CRISPLD2: variants seen among roughly 807,000 people sequenced by gnomAD.
CRISPLD2 encodes the protein cysteine-rich secretory protein LCCL domain-containing 2.
CRISPLD2 carries 47 observed loss-of-function variants against 71.1 expected under a neutral mutation model. The ratio of observed to expected loss-of-function variants is 0.66; its 90% CI spans 0.52 to 0.84. The LOEUF (loss-of-function observed/expected upper bound fraction) is 0.84, where lower values mean the gene tolerates loss of function less well. Ranked by LOEUF, CRISPLD2 falls within the 40% of genes least tolerant of loss-of-function variation. The pLI, the probability that CRISPLD2 is intolerant of heterozygous loss-of-function variation, is 0.00. For synonymous variants in CRISPLD2, 317 were observed against 250.1 expected (o/e 1.27, Z -2.52); for missense variants, 830 against 651.1 (o/e 1.27, Z -2.99).
At chr16:84,876,265 G>A (rs772285842) in intron 11 of CRISPLD2, among the ~76,000 whole-genome samples, 8 of 152,216 alleles carry the variant, frequency 5.3e-5, no homozygotes, top group East Asian at 1.9e-4. Flanking sequence ...ACTTTGAGAC[G>A]TCCAGGCAGA....
At chr16:84,839,052 G>A in intron 2 of CRISPLD2, 1 of 443,964 alleles carries the variant, frequency 2.3e-6, no homozygotes, top group Non-Finnish European at 4.3e-6. Flanking sequence ...TGCCCAGCTA[G>A]ATTTTAAATA....
chr16:84,842,516 G>GTTT (rs1916802369), intron 2 of CRISPLD2, among the ~76,000 whole-genome samples: 1 of 151,698 alleles, frequency 6.6e-6, no homozygotes, highest in African/African-American at 2.4e-5. Flanking sequence ...TGGAACGACA[G>GTTT]GTGCGCACCA....
intron 14 of CRISPLD2, among the ~76,000 whole-genome samples, chr16:84,905,135 A>T (rs926766937): frequency 3.3e-5 from 5 of 151,980 alleles, no homozygotes; most frequent in African/African-American, 9.7e-5. Flanking sequence ...AAAATATATC[A>T]ATCAGGCTTG....
At chr16:84,899,626 C>T (rs545309827) in intron 14 of CRISPLD2, among the ~76,000 whole-genome samples, 1 of 152,266 alleles carries the variant, frequency 6.6e-6, no homozygotes, top group South Asian at 2.1e-4. Flanking sequence ...GGTGTCAGCA[C>T]ATTCTTTGAT....
chr16:84,899,098 C>T (rs974517452), intron 14 of CRISPLD2, among the ~76,000 whole-genome samples: 2 of 152,208 alleles, frequency 1.3e-5, no homozygotes, highest in African/African-American at 2.4e-5. Flanking sequence ...ACTGTGTCAC[C>T]CAGGCTGATC....
chr16:84,864,533 C>T (rs1433537118), intron 6 of CRISPLD2, among the ~76,000 whole-genome samples: 1 of 152,232 alleles, frequency 6.6e-6, no homozygotes, highest in African/African-American at 2.4e-5. Flanking sequence ...CCTGGGCAGC[C>T]TCTGCAAACC....
chr16:84,875,414 C>CTTTT (rs34028519), intron 11 of CRISPLD2, among the ~76,000 whole-genome samples: 210 of 87,786 alleles, frequency 2.4e-3, no homozygotes, highest in East Asian at 0.01. Flanking sequence ...TATGCATGGA[C>CTTTT]TTTTTTTTTT....
At chr16:84,821,869 A>G (rs567650300) in intron 1 of CRISPLD2, among the ~76,000 whole-genome samples, 4 of 152,344 alleles carry the variant, frequency 2.6e-5, no homozygotes, top group South Asian at 2.1e-4. Flanking sequence ...TGCCTGCTCT[A>G]TTAGCTGGGC....
chr16:84,845,933 C>A, intron 3 of CRISPLD2, 29 bp downstream of exon 3: 1 of 1,444,502 alleles, frequency 6.9e-7, no homozygotes, highest in Non-Finnish European at 9.7e-7. Flanking sequence ...TCTCCGGCTG[C>A]CGCAGGACCC....
intron 13 of CRISPLD2, 58 bp downstream of exon 13, chr16:84,880,642 G>C (rs373501392): frequency 7.5e-7 from 1 of 1,326,744 alleles, no homozygotes; most frequent in African/African-American, 1.4e-5. Context: ...ACCTCAACAT[G>C]CAAGCTCCAA....
In CRISPLD2 at chr16:84,906,345, ATAACT is replaced by A. The variant is rs536453649; in HGVS notation, c.1440-238_1440-234del. Among the ~76,000 whole-genome samples, 10 of 152,158 alleles carry A rather than the reference ATAACT, an allele frequency of 6.6e-5. No homozygotes were observed. The South Asian group carries it at 8.3e-4, about 13-fold the overall frequency. On this transcript the variant is annotated intron_variant, in intron 14 of 14. Coordinates refer to ENST00000262424, the MANE Select transcript of CRISPLD2 (RefSeq NM_031476.4). The stretch of plus-strand genomic sequence containing the variant: ...CAGCAGATCCCTGAGTTAAAAGGAA[ATAACT>A]TAACAGCCTTGACCTAGAATCAGAT...
At chr16:84,845,941 C>A in intron 3 of CRISPLD2, 37 bp downstream of exon 3, 2 of 1,395,486 alleles carry the variant, frequency 1.4e-6, no homozygotes, top group East Asian at 2.3e-5. Context: ...TGCCGCAGGA[C>A]CCCACTGCCG....
At chr16:84,840,484 G>A (rs1916740074) in intron 2 of CRISPLD2, among the ~76,000 whole-genome samples, 1 of 152,116 alleles carries the variant, frequency 6.6e-6, no homozygotes, top group Non-Finnish European at 1.5e-5. Context: ...CATAGAAGGT[G>A]CTAATACGTA....
chr16:84,888,772 C>G (rs184090766), intron 13 of CRISPLD2, among the ~76,000 whole-genome samples: 8 of 152,366 alleles, frequency 5.3e-5, no homozygotes, highest in African/African-American at 1.7e-4. Flanking sequence ...ACGGCTGTGA[C>G]TGTTTCCTTT....
intron 1 of CRISPLD2, among the ~76,000 whole-genome samples, chr16:84,833,797 C>T (rs1363826210): frequency 2.0e-5 from 3 of 152,152 alleles, no homozygotes; most frequent in Admixed American, 1.3e-4. Flanking sequence ...GGGGGTGACA[C>T]GTTGGTGCCT....
At chr16:84,873,220 C>T (rs991961673) in intron 10 of CRISPLD2, 98 bp downstream of exon 10, 1 of 1,397,894 alleles carries the variant, frequency 7.2e-7, no homozygotes, top group South Asian at 1.4e-5. Flanking sequence ...GGCGTGGTGG[C>T]TCACACCTGC....
chr16:84,861,753 A>G (rs1388824847), intron 6 of CRISPLD2, among the ~76,000 whole-genome samples: 1 of 152,160 alleles, frequency 6.6e-6, no homozygotes, highest in Admixed American at 6.6e-5. Context: ...GCGAGAACCC[A>G]TCTCTACAAA....
intron 5 of CRISPLD2, among the ~76,000 whole-genome samples, chr16:84,851,244 A>G (rs1032268875): frequency 6.6e-6 from 1 of 152,232 alleles, no homozygotes; most frequent in Non-Finnish European, 1.5e-5. Context: ...GTTTCCCTCC[A>G]AAGAGGGTCC....
At chr16:84,883,429 G>A (rs1041221992) in intron 13 of CRISPLD2, among the ~76,000 whole-genome samples, 3 of 152,212 alleles carry the variant, frequency 2.0e-5, no homozygotes, top group African/African-American at 7.2e-5. Context: ...CTGAGCCACG[G>A]CGGTGACATT....
Sources: allele counts gnomAD v4.1 joint callset (sites outside exome capture counted in the v4.1 genomes callset), GRCh38; gene constraint gnomAD v4.1.1; transcripts MANE v1.5; gene names NCBI Gene and HGNC (gene_info 2026-07-23, HGNC 2026-07-21).